Variants in UBE3B observed in about 807,000 individuals in gnomAD.
The protein encoded by UBE3B is ubiquitin protein ligase E3B, also known as ubiquitin-protein ligase E3B.
UBE3B carries 80 observed loss-of-function variants against 132.3 expected under a neutral mutation model. The ratio of observed to expected loss-of-function variants is 0.60; its 90% CI spans 0.50 to 0.73. The LOEUF is 0.73. Among genes scored for constraint, UBE3B ranks in the 30% least tolerant of loss-of-function variants. UBE3B has a pLI of 0.00. For missense variants in UBE3B, 1,196 were observed against 1,362.5 expected (o/e 0.88, Z 1.92); for synonymous variants, 487 against 520.4 (o/e 0.94, Z 0.87).
intron 17 of UBE3B, among the ~76,000 whole-genome samples, chr12:109,510,813 T>G (rs1005567468): frequency 2.0e-5 from 3 of 152,216 alleles, no homozygotes; most frequent in Non-Finnish European, 4.4e-5. Flanking sequence ...AAACTGCTTT[T>G]AGGTTTTTTG....
At position 109,521,630 on chromosome 12, in the gene UBE3B, T is replaced by A; in HGVS notation, c.2364+79T>A. ...GGCTTCTTCACATACACATATGTGA[T>A]CAGGCTTGGCCATGTAAACTGTCAC... is the stretch of plus-strand genomic sequence containing the variant. On this transcript the variant is annotated intron_variant, in intron 21 of 27. Transcript: ENST00000342494. This position sits in a 1 kb window ranked among gnomAD's most constrained non-coding sequence, Gnocchi z 4.2. The A allele has an allele frequency of 6.1e-6, 8 of 1,321,536 alleles. No homozygotes were observed. The highest frequency in any genetic ancestry group is 6.2e-6 in the Non-Finnish European group (6 of 966,656). 81.9% of individuals were successfully genotyped at this position (1,321,536 alleles called of 1,614,324 possible).
At chr12:109,506,489 C>T (rs1879699199) in intron 14 of UBE3B, among the ~76,000 whole-genome samples, 1 of 152,232 alleles carries the variant, frequency 6.6e-6, no homozygotes, top group Non-Finnish European at 1.5e-5. Flanking sequence ...GCTGGGATTA[C>T]AGGTGCTGGC....
At chr12:109,526,578 A>G in intron 24 of UBE3B, 162 bp downstream of exon 24, 1 of 799,322 alleles carries the variant, frequency 1.3e-6, no homozygotes, top group African/African-American at 1.7e-5. Context: ...GAATTGTATT[A>G]AATTCAATTT....
At chr12:109,499,014 C>T (rs896377404) in intron 11 of UBE3B, among the ~76,000 whole-genome samples, 2 of 151,736 alleles carry the variant, frequency 1.3e-5, no homozygotes, top group African/African-American at 4.8e-5. Context: ...TTAGTGGAGA[C>T]GGGGTTTTTC....
At chr12:109,511,998 T>G (rs901735051) in intron 18 of UBE3B, among the ~76,000 whole-genome samples, 2 of 152,086 alleles carry the variant, frequency 1.3e-5, no homozygotes, top group African/African-American at 4.8e-5. Flanking sequence ...GATGCTCGGG[T>G]GTCTGGCTTG....
At chr12:109,524,648 C>A in intron 23 of UBE3B, 145 bp downstream of exon 23, 1 of 859,630 alleles carries the variant, frequency 1.2e-6, no homozygotes, top group South Asian at 1.8e-5. Flanking sequence ...CCATCCTCCT[C>A]CCCTCTTGCC....
chr12:109,536,733 A>G (rs1883463971), downstream of UBE3B: 1 of 152,210 alleles, frequency 6.6e-6, no homozygotes, highest in Non-Finnish European at 1.5e-5. Context: ...TCATTCCGCC[A>G]TATGCCTGGA....
At chr12:109,494,400 C>T (rs758966447) in intron 9 of UBE3B, among the ~76,000 whole-genome samples, 4 of 152,116 alleles carry the variant, frequency 2.6e-5, no homozygotes, top group South Asian at 4.1e-4. Flanking sequence ...ATTTTCTGGA[C>T]GCCTAGTTTG....
intron 14 of UBE3B, among the ~76,000 whole-genome samples, chr12:109,503,469 CA>C (rs1454303794): frequency 1.3e-5 from 2 of 149,190 alleles, no homozygotes; most frequent in Non-Finnish European, 3.0e-5. Context: ...AGTAAAGAAG[CA>C]AAAAAGATAG....
chr12:109,504,739 C>T (rs112459254), intron 14 of UBE3B, among the ~76,000 whole-genome samples: 1 of 151,686 alleles, frequency 6.6e-6, no homozygotes, highest in Non-Finnish European at 1.5e-5. Flanking sequence ...ACCTGGGGTA[C>T]CCCAGCGCCT....
the UBE3B span, among the ~76,000 whole-genome samples, chr12:109,544,697 A>G: frequency 1.3e-5 from 2 of 152,098 alleles, no homozygotes; most frequent in Non-Finnish European, 2.9e-5. Context: ...GCCCTGCCAC[A>G]TGGGGTAAGC....
chr12:109,481,862 T>A (rs569651345), intron 2 of UBE3B, 120 bp downstream of exon 2: 1 of 152,326 alleles, frequency 6.6e-6, no homozygotes, highest in East Asian at 1.9e-4. Context: ...AGTGTTTTTT[T>A]AAAAAAGTTG....
chr12:109,484,880 C>G (rs1162070551), intron 4 of UBE3B, among the ~76,000 whole-genome samples: 1 of 152,106 alleles, frequency 6.6e-6, no homozygotes, highest in East Asian at 1.9e-4. Context: ...CCTCAGCCTC[C>G]TCAGTAGCTG....
intron 22 of UBE3B, 90 bp from the exon 23 acceptor site, chr12:109,524,348 G>A: frequency 6.6e-7 from 1 of 1,516,120 alleles, no homozygotes; most frequent in Non-Finnish European, 9.1e-7. Flanking sequence ...GGTGTTCCCA[G>A]CACCAAAGCA....
chr12:109,498,043 G>T, intron 10 of UBE3B, 120 bp downstream of exon 10: 1 of 1,326,594 alleles, frequency 7.5e-7, no homozygotes, highest in Admixed American at 1.9e-5. Flanking sequence ...TTGTTCTTTG[G>T]GACCAGTGGC....
At chr12:109,533,802 T>A in intron 27 of UBE3B, 1 of 885,594 alleles carries the variant, frequency 1.1e-6, no homozygotes, top group Non-Finnish European at 1.8e-6. Flanking sequence ...CAGGGAAGGG[T>A]ACCTGGAGTG....
intron 1 of UBE3B, among the ~76,000 whole-genome samples, chr12:109,478,399 A>T (rs1462451761): frequency 2.6e-5 from 4 of 152,188 alleles, no homozygotes; most frequent in Non-Finnish European, 4.4e-5. Context: ...AAAAGCATCC[A>T]CCTTAGATAG....
At chr12:109,501,602 A>T in intron 13 of UBE3B, 68 bp downstream of exon 13, 1 of 1,536,858 alleles carries the variant, frequency 6.5e-7, no homozygotes, top group Non-Finnish European at 8.8e-7. Flanking sequence ...GTTTCTTCCT[A>T]TATGGATGTT....
In UBE3B at chr12:109,483,561, C is replaced by CT. The variant is rs1422783452; in HGVS notation, c.11dup (p.Ser5ValfsTer11). ...GTGCAAGTTTGCAAACATGTTCACCCTGTCTCAGACCTCGAGAGCATGGTT... is the reference window on the plus strand; with the variant it reads ...GTGCAAGTTTGCAAACATGTTCACCCTTGTCTCAGACCTCGAGAGCATGGTT... On this transcript the variant is annotated frameshift_variant, in exon 3 of 28. Transcript: ENST00000342494. LOFTEE classifies it high-confidence loss of function. 6 of 1,578,888 alleles carry CT rather than the reference C, an allele frequency of 3.8e-6. No individual in the cohort carries two copies. Among genetic ancestry groups the CT allele is most frequent in the Non-Finnish European group, 5.1e-6 (6 of 1,167,090 alleles).
Sources: allele counts gnomAD v4.1 joint callset (sites outside exome capture counted in the v4.1 genomes callset), GRCh38; gene constraint gnomAD v4.1.1; non-coding constraint Gnocchi (gnomAD v3.1); transcripts MANE v1.5; gene names NCBI Gene and HGNC (gene_info 2026-07-23, HGNC 2026-07-21).